ZEB2: variants seen among roughly 807,000 people sequenced by gnomAD.
The protein encoded by ZEB2 is zinc finger E-box binding homeobox 2.
A neutral mutation model predicts 99.9 loss-of-function variants in ZEB2; 6 were observed. That is an observed-to-expected ratio of 0.06 (90% CI 0.03 to 0.12). The LOEUF (loss-of-function observed/expected upper bound fraction) is 0.12. Among genes scored for constraint, ZEB2 ranks in the 10% least tolerant of loss-of-function variants. The pLI, the probability that ZEB2 is intolerant of heterozygous loss-of-function variation, is 1.00. For missense variants in ZEB2, 969 were observed against 1,502.8 expected, an observed-to-expected ratio of 0.64 and a Z score of 5.87; for synonymous variants, 517 against 542.5, an observed-to-expected ratio of 0.95 and a Z score of 0.65.
At chr2:144,416,984 GCATT>G (rs1314343876) in intron 4 of ZEB2, among the ~76,000 whole-genome samples, 1 of 152,132 alleles carries the variant, frequency 6.6e-6, no homozygotes, top group Non-Finnish European at 1.5e-5. Flanking sequence ...AAATGATAGC[GCATT>G]TATTATGCGC....
Position 144,519,925 on chromosome 2 carries a change from GA to G in ZEB2, c.-70+13del, listed in dbSNP as rs750071459. On this transcript the variant is annotated intron_variant, in intron 1 of 9. Coordinates refer to ENST00000627532, the MANE Select transcript of ZEB2 (RefSeq NM_014795.4). ...GGGATAAAAAGAGAGAAAAGGGGAG[GA>G]AAAAAAACCTACCTGCGAAGTCTTG... 6.8e-6 allele frequency: 3 copies of G among 444,432 alleles called. No individual in the cohort carries two copies. The highest frequency in any genetic ancestry group is 2.5e-5 in the Admixed American group (1 of 40,352). 27.5% of individuals were successfully genotyped at this position (444,432 alleles called of 1,614,324 possible).
Position 144,399,628 on chromosome 2 carries a change from C to A in ZEB2, c.1559G>T (p.Gly520Val), listed in dbSNP as rs1399803326. 1.2e-6 allele frequency: 2 copies of A among 1,614,138 alleles called. No individual in the cohort carries two copies. Among genetic ancestry groups the A allele is most frequent in the Non-Finnish European group, 1.7e-6 (2 of 1,180,012 alleles). The change falls in exon 8 of 10, where the codon GGT (glycine) becomes GTT (valine). Residue 520 changes from glycine (G) to valine (V), a missense_variant. Coordinates refer to ENST00000627532, the MANE Select transcript of ZEB2 (RefSeq NM_014795.4). This position sits in a 1 kb window ranked among gnomAD's most constrained non-coding sequence, Gnocchi z 5.6. Reference sequence around the variant, plus strand: ...ATAGTCAATAATACTTTTAGTGGCACCATTATGACTCACTACCGGAAGACC... The same window carrying A: ...ATAGTCAATAATACTTTTAGTGGCAACATTATGACTCACTACCGGAAGACC... ...PVGLPVVSHN[G>V]ATKSIIDYTL...
At chr2:144,509,276 T>C (rs1408688018) in intron 2 of ZEB2, among the ~76,000 whole-genome samples, 2 of 152,176 alleles carry the variant, frequency 1.3e-5, no homozygotes, top group African/African-American at 2.4e-5. Context: ...AAAAGCCTCC[T>C]TTTGCAAACA....
chr2:144,482,004 C>T (rs1048315273), intron 2 of ZEB2, among the ~76,000 whole-genome samples: 14 of 152,220 alleles, frequency 9.2e-5, no homozygotes, highest in Admixed American at 2.6e-4. Context: ...AGAAAAGGGA[C>T]GCCAATACCC....
At chr2:144,414,947 T>C (rs1031802212) in intron 4 of ZEB2, among the ~76,000 whole-genome samples, 4 of 33,974 alleles carry the variant, frequency 1.2e-4, no homozygotes, top group Non-Finnish European at 2.8e-4. Flanking sequence ...CTTCAGAGTG[T>C]ATGTGTGTGT....
At chr2:144,478,913 T>C (rs1373546317) in intron 2 of ZEB2, among the ~76,000 whole-genome samples, 2 of 152,218 alleles carry the variant, frequency 1.3e-5, no homozygotes, top group African/African-American at 4.8e-5. Flanking sequence ...GAAAACAAGA[T>C]TGAAAAGCTA....
chr2:144,511,176 A>C (rs74370058), intron 2 of ZEB2, among the ~76,000 whole-genome samples: 3,210 of 152,300 alleles, frequency 0.021, 57 homozygotes, highest in South Asian at 0.046. Flanking sequence ...TGTTTCCTAA[A>C]TGAACCAGCA....
At chr2:144,481,295 T>C (rs534585290) in intron 2 of ZEB2, among the ~76,000 whole-genome samples, 3 of 152,292 alleles carry the variant, frequency 2.0e-5, no homozygotes, top group East Asian at 1.9e-4. Context: ...CACAGCCCAC[T>C]CCGGAGGGCT....
intron 2 of ZEB2, chr2:144,494,847 A>T (rs1704737876): frequency 6.6e-6 from 1 of 152,226 alleles, no homozygotes. Flanking sequence ...ATGTACGCAT[A>T]AACAAACAGC....
chr2:144,403,940 C>A lies in ZEB2; in HGVS notation c.783G>T (p.Val261=), dbSNP rs1278094342. The stretch of plus-strand genomic sequence containing the variant: ...CCTGATCTGTCCCTGGCTTGTGTGT[C>A]ACCATATGCCGCTCGAGCTGGGTGC... The part of the protein sequence containing the change: ...AYRTQLERHM[V]THKPGTDQHQ... The change falls in exon 6 of 10, where the codon GTG becomes GTT. Residue 261 remains valine, a synonymous_variant. Transcript: ENST00000627532. 2 of 1,614,148 alleles carry A rather than the reference C, an allele frequency of 1.2e-6. No individual in the cohort carries two copies. The highest frequency in any genetic ancestry group is 1.7e-6 in the Non-Finnish European group (2 of 1,180,036).
chr2:144,410,933 C>T (rs1445887741), intron 4 of ZEB2, among the ~76,000 whole-genome samples: 2 of 150,746 alleles, frequency 1.3e-5, no homozygotes, highest in Admixed American at 6.6e-5. Context: ...TTATTGAGTG[C>T]CTACTAGTGC....
intron 6 of ZEB2, among the ~76,000 whole-genome samples, chr2:144,403,201 G>A (rs1204797368): frequency 6.6e-6 from 1 of 152,136 alleles, no homozygotes; most frequent in Non-Finnish European, 1.5e-5. Flanking sequence ...ATCCTATTCA[G>A]TTGTTTTAAA....
chr2:144,401,826 C>T (rs1703315214), intron 6 of ZEB2, among the ~76,000 whole-genome samples: 1 of 152,078 alleles, frequency 6.6e-6, no homozygotes, highest in Non-Finnish European at 1.5e-5. Flanking sequence ...AAAACCCAAT[C>T]CCAAACCAAA....
intron 3 of ZEB2, chr2:144,426,717 G>C (rs1370100203): frequency 6.6e-6 from 1 of 152,134 alleles, no homozygotes; most frequent in East Asian, 1.9e-4. Flanking sequence ...TCCAAAGACT[G>C]TGCAACTGAG....
intron 2 of ZEB2, chr2:144,463,198 T>C (rs1460486444): frequency 6.6e-6 from 1 of 152,102 alleles, no homozygotes; most frequent in Non-Finnish European, 1.5e-5. Context: ...GCTGAATGCT[T>C]CTGACTCAAA....
intron 2 of ZEB2, among the ~76,000 whole-genome samples, chr2:144,430,310 T>C (rs886398397): frequency 6.6e-6 from 1 of 152,172 alleles, no homozygotes; most frequent in Non-Finnish European, 1.5e-5. Context: ...ACTGCATATG[T>C]AAAGAGACGT....
At chr2:144,519,691 T>C (rs1251852158) in intron 1 of ZEB2, 3 of 304,946 alleles carry the variant, frequency 9.8e-6, no homozygotes, top group Admixed American at 4.8e-5. Context: ...GGGAAATTAT[T>C]TGGGGGAGGG....
chr2:144,472,807 A>T (rs1704376630), intron 2 of ZEB2, among the ~76,000 whole-genome samples: 1 of 150,856 alleles, frequency 6.6e-6, no homozygotes, highest in South Asian at 2.1e-4. Context: ...GAGAACGATA[A>T]AAAAAGAAGT....
Position 144,401,183 on chromosome 2 carries a change from C to T in ZEB2, c.916+16G>A. ...AGTAAAATGCAAATGCGAGCTCCAG[C>T]ACCTCTGCTACTCACCACTGTGAAT... On this transcript the variant is annotated intron_variant, in intron 7 of 9. Coordinates refer to ENST00000627532, the MANE Select transcript of ZEB2 (RefSeq NM_014795.4). 1.2e-6 allele frequency: 2 copies of T among 1,609,610 alleles called. No homozygotes were observed. The highest frequency in any genetic ancestry group is 1.7e-6 in the Non-Finnish European group (2 of 1,175,868).
Sources: allele counts gnomAD v4.1 joint callset (sites outside exome capture counted in the v4.1 genomes callset), GRCh38; gene constraint gnomAD v4.1.1; non-coding constraint Gnocchi (gnomAD v3.1); transcripts MANE v1.5; gene names NCBI Gene and HGNC (gene_info 2026-07-23, HGNC 2026-07-21).